Variants in NRCAM observed in about 807,000 individuals in gnomAD.
NRCAM encodes neuronal cell adhesion molecule.
In NRCAM, 83 loss-of-function variants were observed where a neutral mutation model predicts 156.5. The ratio of observed to expected loss-of-function variants is 0.53; its 90% CI spans 0.44 to 0.64. The LOEUF is 0.64. Ranked by LOEUF, NRCAM falls within the 30% of genes least tolerant of loss-of-function variation. NRCAM has a pLI of 0.00. For synonymous variants in NRCAM, 538 were observed against 563.9 expected, an observed-to-expected ratio of 0.95 and a Z score of 0.65; for missense variants, 1,417 against 1,597.3, an observed-to-expected ratio of 0.89 and a Z score of 1.92.
At chr7:108,232,702 C>T (rs1001647298) in intron 6 of NRCAM, among the ~76,000 whole-genome samples, 180 bp from the exon 7 acceptor site, 6 of 152,062 alleles carry the variant, frequency 3.9e-5, no homozygotes, top group South Asian at 4.1e-4. Flanking sequence ...GAAAAAAGGG[C>T]AGGCTATACA....
chr7:108,436,311 A>G (rs1318502044), intron 1 of NRCAM, among the ~76,000 whole-genome samples: 1 of 152,104 alleles, frequency 6.6e-6, no homozygotes, highest in African/African-American at 2.4e-5. Context: ...TGTAATGTAA[A>G]ACCAAGAAAC....
rs777939794 is a variant in NRCAM, at chr7:108,234,591, C to T, written c.222G>A (p.Pro74=). The T allele has an allele frequency of 1.8e-5, 29 of 1,593,378 alleles. No individual in the cohort carries two copies. Among genetic ancestry groups the T allele is most frequent in the African/African-American group, 8.1e-5 (6 of 74,254 alleles). ...IVIQCEAKGK[P]PPSFSWTRNG... ...GCAGAATGCACACTCACCTTGGGGG[C>T]GGTTTCCCTTTGGCTTCACACTGGA... is the stretch of plus-strand genomic sequence containing the variant. The change falls in exon 6 of 33, where the codon CCG becomes CCA. Residue 74 remains proline, a synonymous_variant. Coordinates refer to ENST00000379028, the MANE Select transcript of NRCAM (RefSeq NM_001037132.4).
Position 108,441,523 on chromosome 7 carries a change from A to T in NRCAM, c.-332+14720T>A, listed in dbSNP as rs74583391. Among the ~76,000 whole-genome samples the T allele has an allele frequency of 8.2e-3, 1,253 of 152,344 alleles. 7 individuals are homozygous for T. The highest frequency in any genetic ancestry group is 0.013 in the Non-Finnish European group (851 of 68,024). On this transcript the variant is annotated intron_variant, in intron 1 of 32. Transcript: ENST00000379028. ...CCTTAGAAGTTTGGGTCATAACTGT[A>T]ACTCTCACCATGCAGAAGCTAAAAG... is the stretch of plus-strand genomic sequence containing the variant.
intron 14 of NRCAM, among the ~76,000 whole-genome samples, chr7:108,197,651 T>C (rs550982482): frequency 5.3e-4 from 81 of 152,350 alleles, no homozygotes; most frequent in Non-Finnish European, 1.1e-3. Flanking sequence ...AATATTCAGT[T>C]GCTAATAGCA....
chr7:108,445,460 T>G (rs1271706092), intron 1 of NRCAM, among the ~76,000 whole-genome samples: 1 of 152,210 alleles, frequency 6.6e-6, no homozygotes, highest in Non-Finnish European at 1.5e-5. Flanking sequence ...TTGTTAAGAA[T>G]ACATGATACA....
intron 32 of NRCAM, among the ~76,000 whole-genome samples, chr7:108,154,197 A>C (rs1279175505): frequency 6.6e-6 from 1 of 152,216 alleles, no homozygotes; most frequent in East Asian, 1.9e-4. Context: ...AAGACATTAT[A>C]GTCTTGGTGC....
chr7:108,333,223 C>G (rs908487668), intron 2 of NRCAM, among the ~76,000 whole-genome samples: 3 of 152,220 alleles, frequency 2.0e-5, no homozygotes, highest in African/African-American at 7.2e-5. Context: ...GAAGTGTGTT[C>G]AAGTACTGAG....
In NRCAM at chr7:108,297,750, A is replaced by G. The variant is rs182256699; in HGVS notation, c.-107+14915T>C. On this transcript the variant is annotated intron_variant, in intron 3 of 32. Coordinates refer to ENST00000379028, the MANE Select transcript of NRCAM (RefSeq NM_001037132.4). ...ACAGAGAAAAAAAATAAAACAAAGG[A>G]AGGGGTACAGGGGTTCCAACATGTC... Among the ~76,000 whole-genome samples, 428 of 152,304 alleles carry G rather than the reference A, an allele frequency of 2.8e-3. 25 individuals are homozygous for G. In the South Asian group the frequency reaches 0.085, roughly 30 times the overall value.
At chr7:108,378,798 G>A (rs2099688245) in intron 2 of NRCAM, among the ~76,000 whole-genome samples, 1 of 150,900 alleles carries the variant, frequency 6.6e-6, no homozygotes, top group East Asian at 1.9e-4. Flanking sequence ...AGATGAAAAA[G>A]GAAGGACAAA....
rs538436769 is a variant in NRCAM at position 108,255,364 on chromosome 7, C to T, written c.-106-15194G>A. ...GTATTTTTTGGTGGAGACGGGGTTTCGCCGTGTTGGCTGGGCTGGTCTCCA... is the reference window on the plus strand; with the variant it reads ...GTATTTTTTGGTGGAGACGGGGTTTTGCCGTGTTGGCTGGGCTGGTCTCCA... On this transcript the variant is annotated intron_variant, in intron 3 of 32. Coordinates refer to ENST00000379028, the MANE Select transcript of NRCAM (RefSeq NM_001037132.4). Among the ~76,000 whole-genome samples the T allele has an allele frequency of 9.8e-4, 149 of 152,308 alleles. 1 individual carries two copies. The highest frequency in any genetic ancestry group is 3.4e-3 in the African/African-American group (143 of 41,566).
At chr7:108,350,513 G>A (rs1212299968) in intron 2 of NRCAM, among the ~76,000 whole-genome samples, 2 of 152,214 alleles carry the variant, frequency 1.3e-5, no homozygotes, top group African/African-American at 4.8e-5. Flanking sequence ...AACCACTTGG[G>A]TGGGACAATA....
chr7:108,278,102 T>C (rs1273406704), intron 3 of NRCAM, among the ~76,000 whole-genome samples: 1 of 152,218 alleles, frequency 6.6e-6, no homozygotes, highest in East Asian at 1.9e-4. Context: ...TGATCCTTCC[T>C]CTGGAAGCTT....
At chr7:108,191,934 T>C in intron 17 of NRCAM, 81 bp from the exon 18 acceptor site, 1 of 1,483,332 alleles carries the variant, frequency 6.7e-7, no homozygotes, top group Non-Finnish European at 9.1e-7. Context: ...GGAAAAAAAC[T>C]GTAAATTTGA....
intron 4 of NRCAM, 98 bp from the exon 5 acceptor site, chr7:108,237,867 G>T (rs180739447): frequency 3.6e-6 from 3 of 828,288 alleles, no homozygotes; most frequent in Non-Finnish European, 5.4e-6. Context: ...GATAAAGGGG[G>T]CATCTTGTCT....
intron 11 of NRCAM, among the ~76,000 whole-genome samples, chr7:108,216,903 A>G (rs1050431858): frequency 6.6e-6 from 1 of 152,184 alleles, no homozygotes; most frequent in Non-Finnish European, 1.5e-5. Flanking sequence ...CACCTTCTGA[A>G]GCCCACTTCT....
At chr7:108,226,107 G>T in intron 9 of NRCAM, 101 bp downstream of exon 9, 1 of 806,682 alleles carries the variant, frequency 1.2e-6, no homozygotes, top group Middle Eastern at 2.5e-4. Context: ...TCCTGATAAT[G>T]AACCTGTTTA....
At chr7:108,307,178 G>A (rs747053094) in intron 3 of NRCAM, among the ~76,000 whole-genome samples, 1 of 152,248 alleles carries the variant, frequency 6.6e-6, no homozygotes, top group Non-Finnish European at 1.5e-5. Context: ...AGACCCATGT[G>A]TAAAAGGGCT....
intron 27 of NRCAM, among the ~76,000 whole-genome samples, chr7:108,176,152 C>T (rs1398276941): frequency 6.6e-6 from 1 of 152,020 alleles, no homozygotes; most frequent in Admixed American, 6.5e-5. Context: ...AAACAACATT[C>T]CCCTGAACTT....
At chr7:108,288,125 AATGACTG>A (rs1461753198) in intron 3 of NRCAM, among the ~76,000 whole-genome samples, 1 of 152,148 alleles carries the variant, frequency 6.6e-6, no homozygotes, top group African/African-American at 2.4e-5. Flanking sequence ...TCCTTAGTGA[AATGACTG>A]AAAACAGAAA....
Sources: gnomAD v4.1 joint callset for allele counts (sites outside exome capture counted in the v4.1 genomes callset) on GRCh38, gnomAD v4.1.1 for gene constraint, MANE v1.5 for transcripts, NCBI Gene and HGNC (gene_info 2026-07-23, HGNC 2026-07-21) for gene names.